Variants in FRMD6 observed in about 807,000 individuals in gnomAD.
The protein encoded by FRMD6 is FERM domain-containing protein 6.
A neutral mutation model predicts 73.2 loss-of-function variants in FRMD6; 37 were observed. The observed-to-expected ratio is 0.51, with a 90% CI of 0.39 to 0.66. The LOEUF (loss-of-function observed/expected upper bound fraction) is 0.66. Ranked by LOEUF, FRMD6 falls within the 30% of genes least tolerant of loss-of-function variation. The probability of loss-of-function intolerance (pLI) is 0.00; values close to 1 mark genes in which losing one functional copy is unlikely to be tolerated. For synonymous variants in FRMD6, 273 were observed against 282.2 expected, an observed-to-expected ratio of 0.97 and a Z score of 0.33; for missense variants, 714 against 780.5, an observed-to-expected ratio of 0.91 and a Z score of 1.02.
At chr14:51,723,236 G>A (rs902774445) in intron 12 of FRMD6, among the ~76,000 whole-genome samples, 1 of 151,982 alleles carries the variant, frequency 6.6e-6, no homozygotes, top group Admixed American at 6.6e-5. Context: ...CACATTATAG[G>A]TCCATGTATA....
At chr14:51,657,944 C>A (rs992204160) in intron 1 of FRMD6, among the ~76,000 whole-genome samples, 1 of 152,180 alleles carries the variant, frequency 6.6e-6, no homozygotes. Context: ...TACAGAGTCT[C>A]ACAGCTGATG....
At chr14:51,462,446 C>G in the FRMD6 span, among the ~76,000 whole-genome samples, 6 of 152,216 alleles carry the variant, frequency 3.9e-5, no homozygotes, top group Non-Finnish European at 7.3e-5. Flanking sequence ...CCTGCTTGAA[C>G]TGGCTCCTGG....
At chr14:51,481,322 G>C in the FRMD6 span, among the ~76,000 whole-genome samples, 1 of 152,190 alleles carries the variant, frequency 6.6e-6, no homozygotes, top group Non-Finnish European at 1.5e-5. Context: ...ATGGCAGAAA[G>C]TGAAAAGCAT....
chr14:51,706,132 A>G (rs912745454), intron 6 of FRMD6, among the ~76,000 whole-genome samples: 4 of 152,046 alleles, frequency 2.6e-5, no homozygotes, highest in Non-Finnish European at 1.5e-5. Flanking sequence ...CCTTATCACC[A>G]TTCCTTCTCC....
rs190358193 is a variant in FRMD6 at position 51,620,716 on chromosome 14, A to G, written c.-147+50306A>G. On this transcript the variant is annotated intron_variant, in intron 2 of 14. Coordinates refer to the FRMD6 transcript ENST00000356218. Reference sequence around the variant, plus strand: ...TGTTGAGCAGTGGCAGTCCAGCCCCAGCAGGACCTGGTAAGACATGACAAT... The same window carrying G: ...TGTTGAGCAGTGGCAGTCCAGCCCCGGCAGGACCTGGTAAGACATGACAAT... Among the ~76,000 whole-genome samples the G allele has an allele frequency of 7.0e-3, 1,060 of 152,310 alleles. 10 individuals carry two copies. The highest frequency in any genetic ancestry group is 0.011 in the Non-Finnish European group (738 of 68,028).
the FRMD6 span, among the ~76,000 whole-genome samples, chr14:51,459,826 CAAAAA>C: frequency 5.1e-5 from 3 of 58,290 alleles, no homozygotes; most frequent in East Asian, 5.8e-4. Flanking sequence ...GACTCCATTT[CAAAAA>C]AAAAAAAAAA....
intron 3 of FRMD6, among the ~76,000 whole-genome samples, chr14:51,699,852 T>C (rs1489212849): frequency 1.3e-5 from 2 of 152,150 alleles, no homozygotes; most frequent in East Asian, 3.9e-4. Flanking sequence ...GAAGATTGTC[T>C]GGTCTTGTTT....
rs532153306 is a variant in FRMD6 at position 51,654,027 on chromosome 14, C to T, written c.-147+2031C>T. ...TCTGACACTGATGGGCTACAGTAAT[C>T]AGCAGTTCTTGCAGTACTCAAGACA... is the stretch of plus-strand genomic sequence containing the variant. On this transcript the variant is annotated intron_variant, in intron 1 of 13. Transcript: ENST00000344768. Among the ~76,000 whole-genome samples, 13 of 152,306 alleles carry T rather than the reference C, an allele frequency of 8.5e-5. No individual in the cohort carries two copies. The South Asian group carries it at 2.7e-3, about 32-fold the overall frequency.
At chr14:51,450,716 G>A in the FRMD6 span, among the ~76,000 whole-genome samples, 33 of 152,262 alleles carry the variant, frequency 2.2e-4, 1 homozygote, top group African/African-American at 7.7e-4. Flanking sequence ...AAAATAAAAA[G>A]CCATCATTTG....
the FRMD6 span, among the ~76,000 whole-genome samples, chr14:51,414,822 T>C: frequency 3.3e-5 from 5 of 152,196 alleles, no homozygotes; most frequent in Non-Finnish European, 7.3e-5. Context: ...CCTCTTTTAT[T>C]GTGTTGAGCA....
chr14:51,639,742 C>T (rs1431895935), intron 2 of FRMD6, among the ~76,000 whole-genome samples: 3 of 152,258 alleles, frequency 2.0e-5, no homozygotes, highest in Admixed American at 6.5e-5. Context: ...CATGCAACCT[C>T]GTATTTATCT....
the FRMD6 span, among the ~76,000 whole-genome samples, chr14:51,452,842 G>A: frequency 6.6e-6 from 1 of 152,192 alleles, no homozygotes; most frequent in Non-Finnish European, 1.5e-5. Flanking sequence ...CAAAGCATGA[G>A]CAGTCATTAG....
the FRMD6 span, among the ~76,000 whole-genome samples, chr14:51,431,426 C>A: frequency 6.6e-6 from 1 of 152,234 alleles, no homozygotes; most frequent in Admixed American, 6.5e-5. Flanking sequence ...AAGTCACCCA[C>A]AGTACTACCC....
At chr14:51,530,372 T>C (rs1260793872) in intron 1 of FRMD6, among the ~76,000 whole-genome samples, 1 of 152,218 alleles carries the variant, frequency 6.6e-6, no homozygotes, top group Non-Finnish European at 1.5e-5. Flanking sequence ...TTTATTGTTT[T>C]GTTGGTTATG....
intron 2 of FRMD6, among the ~76,000 whole-genome samples, chr14:51,694,335 A>C (rs572991870): frequency 1.3e-5 from 2 of 152,308 alleles, no homozygotes; most frequent in Admixed American, 1.3e-4. Context: ...AGTATATTTT[A>C]AACATTCCTG....
At chr14:51,488,022 T>C (rs1304572524), upstream of FRMD6, among the ~76,000 whole-genome samples, 4 of 152,210 alleles carry the variant, frequency 2.6e-5, no homozygotes, top group African/African-American at 7.2e-5. Flanking sequence ...GTTCAAACGA[T>C]GTAGTAACGA....
At chr14:51,535,890 G>A (rs1356776449) in intron 1 of FRMD6, among the ~76,000 whole-genome samples, 1 of 151,680 alleles carries the variant, frequency 6.6e-6, no homozygotes, top group Non-Finnish European at 1.5e-5. Flanking sequence ...AAGCTTTCCT[G>A]GTGGATATGA....
At chr14:51,688,280 A>G (rs992355841) in intron 1 of FRMD6, among the ~76,000 whole-genome samples, 7 of 152,168 alleles carry the variant, frequency 4.6e-5, no homozygotes, top group Non-Finnish European at 8.8e-5. Context: ...TTATTAAGAA[A>G]AGCAGAATAC....
chr14:51,410,982 C>A, the FRMD6 span, among the ~76,000 whole-genome samples: 1 of 152,180 alleles, frequency 6.6e-6, no homozygotes, highest in Non-Finnish European at 1.5e-5. Context: ...ATTCATTTAA[C>A]ACATATTTCT....
Sources: allele counts gnomAD v4.1 joint callset (sites outside exome capture counted in the v4.1 genomes callset), GRCh38; gene constraint gnomAD v4.1.1; transcripts MANE v1.5; gene names NCBI Gene and HGNC (gene_info 2026-07-23, HGNC 2026-07-21).